Variants in DLGAP2 observed in about 807,000 individuals in gnomAD.
DLGAP2 encodes the protein DLG associated protein 2.
A neutral mutation model predicts 100.3 loss-of-function variants in DLGAP2; 26 were observed. The ratio of observed to expected loss-of-function variants is 0.26; its 90% confidence interval spans 0.19 to 0.36. The LOEUF is 0.36. Ranked by LOEUF, DLGAP2 falls within the 10% of genes least tolerant of loss-of-function variation. DLGAP2 has a pLI of 1.00. For missense variants in DLGAP2, 1,858 were observed against 1,453.2 expected, an observed-to-expected ratio of 1.28 and a Z score of -4.53; for synonymous variants, 886 against 630.1, an observed-to-expected ratio of 1.41 and a Z score of -6.08.
chr8:1,366,026 C>T (rs1802100497), intron 3 of DLGAP2, among the ~76,000 whole-genome samples: 1 of 152,226 alleles, frequency 6.6e-6, no homozygotes, highest in Non-Finnish European at 1.5e-5. Flanking sequence ...GCTTCTGCCA[C>T]AGAGGTGCCA....
At chr8:966,399 G>A (rs1350959662) in intron 2 of DLGAP2, among the ~76,000 whole-genome samples, 6 of 152,086 alleles carry the variant, frequency 3.9e-5, no homozygotes, top group South Asian at 2.1e-4. Flanking sequence ...GATAAGTATC[G>A]AGGAAGCTTC....
chr8:797,508 A>G (rs1174099589), intron 1 of DLGAP2, among the ~76,000 whole-genome samples: 1 of 152,072 alleles, frequency 6.6e-6, no homozygotes, highest in East Asian at 1.9e-4. Flanking sequence ...GGCTGCTATG[A>G]CTATTTCTGT....
At chr8:796,247 C>T (rs1006851487) in intron 1 of DLGAP2, among the ~76,000 whole-genome samples, 3 of 152,278 alleles carry the variant, frequency 2.0e-5, no homozygotes, top group East Asian at 3.9e-4. Flanking sequence ...CGACCGGGCT[C>T]CCCGGTGATG....
chr8:1,451,107 C>T, intron 3 of DLGAP2, among the ~76,000 whole-genome samples: 1 of 152,048 alleles, frequency 6.6e-6, no homozygotes, highest in South Asian at 2.1e-4. Context: ...TAGTGGATTC[C>T]CGTTCTGTGG....
chr8:1,493,818 G>A (rs184670279), intron 3 of DLGAP2, among the ~76,000 whole-genome samples: 7 of 152,330 alleles, frequency 4.6e-5, no homozygotes, highest in Admixed American at 1.3e-4. Flanking sequence ...AGGGGTGGAC[G>A]CGGCACGACC....
chr8:1,615,287 A>G (rs1011841787), intron 6 of DLGAP2, among the ~76,000 whole-genome samples: 5 of 152,180 alleles, frequency 3.3e-5, no homozygotes, highest in Admixed American at 3.3e-4. Context: ...CCAGCAACGC[A>G]CGAGCCAAAC....
At chr8:1,211,611 C>T (rs1374000684) in intron 2 of DLGAP2, among the ~76,000 whole-genome samples, 5 of 152,230 alleles carry the variant, frequency 3.3e-5, no homozygotes, top group African/African-American at 1.2e-4. Context: ...CACAGTGGCA[C>T]ACGCCTGTAA....
chr8:1,686,749 G>A (rs1799126041), intron 12 of DLGAP2, among the ~76,000 whole-genome samples: 1 of 151,984 alleles, frequency 6.6e-6, no homozygotes, highest in Non-Finnish European at 1.5e-5. Context: ...AGGAAGAGAA[G>A]TTGATTCATA....
At chr8:773,402 T>C (rs1275276507) in intron 1 of DLGAP2, among the ~76,000 whole-genome samples, 1 of 152,032 alleles carries the variant, frequency 6.6e-6, no homozygotes, top group African/African-American at 2.4e-5. Context: ...ATTGTGCAGG[T>C]TAGTTACATA....
At chr8:1,230,845 C>G (rs139184879) in intron 2 of DLGAP2, among the ~76,000 whole-genome samples, 1 of 152,078 alleles carries the variant, frequency 6.6e-6, no homozygotes, top group Non-Finnish European at 1.5e-5. Context: ...TCAGCATATG[C>G]AAAAATTAAC....
Position 1,128,520 on chromosome 8 carries a change from G to C in DLGAP2, c.74-130331G>C, listed in dbSNP as rs552443006. ...GCAGGACTCAGCGCGGTCACATGCTGTGTGGGTGTGTAGCCCAGAAGCAAC... is the reference window on the plus strand; with the variant it reads ...GCAGGACTCAGCGCGGTCACATGCTCTGTGGGTGTGTAGCCCAGAAGCAAC... On this transcript the variant is annotated intron_variant, in intron 2 of 14. Transcript: ENST00000637795. Among the ~76,000 whole-genome samples, 4 of 152,326 alleles carry C rather than the reference G, an allele frequency of 2.6e-5. No homozygotes were observed. In the East Asian group the frequency reaches 7.7e-4, roughly 29 times the overall value.
chr8:1,138,160 G>A (rs1223260689), intron 2 of DLGAP2, among the ~76,000 whole-genome samples: 1 of 152,208 alleles, frequency 6.6e-6, no homozygotes, highest in Non-Finnish European at 1.5e-5. Flanking sequence ...GGGAAACGGG[G>A]TGTCTCCCAG....
intron 2 of DLGAP2, among the ~76,000 whole-genome samples, chr8:1,013,268 C>G (rs1310811381): frequency 6.6e-6 from 1 of 152,086 alleles, no homozygotes; most frequent in Non-Finnish European, 1.5e-5. Context: ...AACTAAGTGC[C>G]CACCATGTAC....
chr8:932,751 T>C (rs990737270), intron 2 of DLGAP2, among the ~76,000 whole-genome samples: 1 of 152,162 alleles, frequency 6.6e-6, no homozygotes, highest in African/African-American at 2.4e-5. Context: ...GTAAAGAGTA[T>C]GTAGGAATTC....
intron 1 of DLGAP2, among the ~76,000 whole-genome samples, chr8:832,390 A>G (rs1796799562): frequency 6.6e-6 from 1 of 152,198 alleles, no homozygotes; most frequent in Non-Finnish European, 1.5e-5. Context: ...TAATTTTTAT[A>G]TAAGGTGTAA....
At position 1,443,440 on chromosome 8, in the gene DLGAP2, C is replaced by G. The variant is rs184836534; in HGVS notation, c.107-57926C>G. ...CATGGGTTTATTTCTGCCAGTTTCACTTAATGCTTCATGAATATATTCTCA... is the reference window on the plus strand; with the variant it reads ...CATGGGTTTATTTCTGCCAGTTTCAGTTAATGCTTCATGAATATATTCTCA... On this transcript the variant is annotated intron_variant, in intron 3 of 14. Coordinates refer to ENST00000637795, the MANE Select transcript of DLGAP2 (RefSeq NM_001346810.2). Among the ~76,000 whole-genome samples, 3 of 152,324 alleles carry G rather than the reference C, an allele frequency of 2.0e-5. No individual in the cohort carries two copies. The East Asian group carries it at 5.8e-4, about 29-fold the overall frequency.
intron 2 of DLGAP2, among the ~76,000 whole-genome samples, chr8:1,192,486 G>A (rs1455809272): frequency 1.3e-5 from 2 of 151,878 alleles, no homozygotes; most frequent in Non-Finnish European, 2.9e-5. Context: ...ACCGTGATGA[G>A]CAATAGAGCT....
At chr8:1,377,708 C>T (rs550969302) in intron 3 of DLGAP2, among the ~76,000 whole-genome samples, 1 of 152,306 alleles carries the variant, frequency 6.6e-6, no homozygotes, top group South Asian at 2.1e-4. Flanking sequence ...GAGTGCAGCT[C>T]CCTCCTGTCT....
intron 3 of DLGAP2, among the ~76,000 whole-genome samples, chr8:1,346,983 T>C (rs546909434): frequency 2.0e-5 from 3 of 152,058 alleles, no homozygotes; most frequent in South Asian, 4.2e-4. Context: ...CAGAGCTGCA[T>C]TGCACTCATG....
Sources: allele counts gnomAD v4.1 joint callset (sites outside exome capture counted in the v4.1 genomes callset), GRCh38; gene constraint gnomAD v4.1.1; transcripts MANE v1.5; gene names NCBI Gene and HGNC (gene_info 2026-07-23, HGNC 2026-07-21).